The following PRR16 variants were observed in gnomAD, a reference collection of about 807,000 sequenced individuals.
PRR16 encodes proline rich 16.
A neutral mutation model predicts 18.2 loss-of-function variants in PRR16; 6 were observed. The ratio of observed to expected loss-of-function variants is 0.33; its 90% CI spans 0.18 to 0.65. PRR16 has a LOEUF of 0.65. Ranked by LOEUF, PRR16 falls within the 30% of genes least tolerant of loss-of-function variation. PRR16 has a pLI of 0.74. For missense variants in PRR16, 412 were observed against 376.6 expected, an observed-to-expected ratio of 1.09 and a Z score of -0.78; for synonymous variants, 151 against 147.8, an observed-to-expected ratio of 1.02 and a Z score of -0.16.
At chr5:120,578,151 C>T (rs897210142) in intron 1 of PRR16, among the ~76,000 whole-genome samples, 1 of 152,094 alleles carries the variant, frequency 6.6e-6, no homozygotes, top group Non-Finnish European at 1.5e-5. Context: ...AGCAGTTTTT[C>T]CCCAGTTAAT....
At chr5:120,546,530 A>T (rs1752079272) in intron 1 of PRR16, among the ~76,000 whole-genome samples, 1 of 152,044 alleles carries the variant, frequency 6.6e-6, no homozygotes, top group South Asian at 2.1e-4. Flanking sequence ...TGGTCAATTG[A>T]TTGCTATATA....
At chr5:120,544,049 C>A (rs2112687836) in intron 1 of PRR16, among the ~76,000 whole-genome samples, 1 of 152,254 alleles carries the variant, frequency 6.6e-6, no homozygotes, top group African/African-American at 2.4e-5. Context: ...TCTGTAATAA[C>A]CCCTTGGTCT....
the PRR16 span, among the ~76,000 whole-genome samples, chr5:120,694,695 AAAAG>A: frequency 6.6e-6 from 1 of 152,060 alleles, no homozygotes; most frequent in African/African-American, 2.4e-5. Flanking sequence ...AAAAAAAAAA[AAAAG>A]AATTCTAAGA....
At chr5:120,536,343 C>T (rs1047541545) in intron 1 of PRR16, among the ~76,000 whole-genome samples, 5 of 152,166 alleles carry the variant, frequency 3.3e-5, no homozygotes, top group East Asian at 3.8e-4. Context: ...TAAACCTCAG[C>T]TGCAAAAATT....
chr5:120,700,208 T>C, the PRR16 span, among the ~76,000 whole-genome samples: 58 of 152,286 alleles, frequency 3.8e-4, 1 homozygote, highest in South Asian at 0.012. Context: ...GTAAGGCTTG[T>C]CTGGTTTTAG....
In PRR16 at chr5:120,650,705, G is replaced by A. The variant is rs372475890; in HGVS notation, c.160-35249G>A. ...GTATTCCATGGTGTATATGTGCCACGTTTTCTTAATCCAGTCTATCATTGT... is the reference window on the plus strand; with the variant it reads ...GTATTCCATGGTGTATATGTGCCACATTTTCTTAATCCAGTCTATCATTGT... On this transcript the variant is annotated intron_variant, in intron 1 of 1. Transcript: ENST00000407149. 1.3e-4 allele frequency among the ~76,000 whole-genome samples: 20 copies of A among 151,806 alleles called. 1 individual carries two copies. The highest frequency in any genetic ancestry group is 2.2e-4 in the African/African-American group (9 of 41,384).
At chr5:120,515,199 C>T (rs1250870914) in intron 1 of PRR16, among the ~76,000 whole-genome samples, 1 of 152,058 alleles carries the variant, frequency 6.6e-6, no homozygotes, top group Non-Finnish European at 1.5e-5. Flanking sequence ...AGAGGTTGTC[C>T]AAACTTGCAT....
At chr5:120,525,545 T>C (rs147846050) in intron 1 of PRR16, among the ~76,000 whole-genome samples, 2,499 of 151,828 alleles carry the variant, frequency 0.016, 25 homozygotes, top group Middle Eastern at 0.13. Flanking sequence ...CAGACTACTA[T>C]GAATATACAA....
chr5:120,702,587 CAG>C, the PRR16 span, among the ~76,000 whole-genome samples: 1 of 152,122 alleles, frequency 6.6e-6, no homozygotes, highest in Non-Finnish European at 1.5e-5. Context: ...GGTGAATAAT[CAG>C]AGAGGTGTCC....
At chr5:120,522,603 T>G (rs1259866160) in intron 1 of PRR16, among the ~76,000 whole-genome samples, 1 of 152,038 alleles carries the variant, frequency 6.6e-6, no homozygotes, top group African/African-American at 2.4e-5. Context: ...ATTGCAAAAA[T>G]TTTCTCCCAT....
chr5:120,631,015 A>G (rs1755034160), intron 1 of PRR16, among the ~76,000 whole-genome samples: 1 of 152,216 alleles, frequency 6.6e-6, no homozygotes, highest in African/African-American at 2.4e-5. Flanking sequence ...TCACCCATAA[A>G]TAAACTGATT....
the PRR16 span, among the ~76,000 whole-genome samples, chr5:120,709,342 T>C: frequency 0.23 from 34,711 of 152,088 alleles, 4,832 homozygotes; most frequent in Middle Eastern, 0.43. Flanking sequence ...TACTTTGTTA[T>C]TTTTTAAAAA....
intron 1 of PRR16, among the ~76,000 whole-genome samples, chr5:120,509,400 TG>T (rs890846026): frequency 6.6e-6 from 1 of 152,112 alleles, no homozygotes; most frequent in Admixed American, 6.6e-5. Context: ...GCCAATCCTT[TG>T]GGGCTACTGA....
At chr5:120,624,478 A>G (rs1754796542) in intron 1 of PRR16, among the ~76,000 whole-genome samples, 1 of 152,148 alleles carries the variant, frequency 6.6e-6, no homozygotes, top group South Asian at 2.1e-4. Context: ...TCTAAAAGAG[A>G]TAGCATAGCA....
At chr5:120,520,400 G>T (rs1029121537) in intron 1 of PRR16, among the ~76,000 whole-genome samples, 3 of 151,832 alleles carry the variant, frequency 2.0e-5, no homozygotes, top group South Asian at 2.1e-4. Flanking sequence ...GTCTCCAAAA[G>T]AAAAATAAAA....
chr5:120,497,806 C>G (rs1342535259), intron 1 of PRR16, among the ~76,000 whole-genome samples: 1 of 151,270 alleles, frequency 6.6e-6, no homozygotes, highest in African/African-American at 2.4e-5. Context: ...TTATCATATA[C>G]ATAACATTAT....
chr5:120,545,414 A>C (rs1752045195), intron 1 of PRR16, among the ~76,000 whole-genome samples: 1 of 152,096 alleles, frequency 6.6e-6, no homozygotes, highest in Non-Finnish European at 1.5e-5. Context: ...TTCATATCTT[A>C]TAATTTTACA....
intron 1 of PRR16, among the ~76,000 whole-genome samples, chr5:120,571,528 A>C (rs1280620668): frequency 6.6e-6 from 1 of 152,124 alleles, no homozygotes; most frequent in African/African-American, 2.4e-5. Flanking sequence ...ACAGGAATCC[A>C]CTGGAGGTTT....
the PRR16 span, among the ~76,000 whole-genome samples, chr5:120,712,970 G>A: frequency 1.3e-5 from 2 of 152,062 alleles, no homozygotes; most frequent in South Asian, 4.1e-4. Context: ...ATACGTATAT[G>A]ACCAAAGGAA....
Sources: allele counts gnomAD v4.1 joint callset (sites outside exome capture counted in the v4.1 genomes callset), GRCh38; gene constraint gnomAD v4.1.1; transcripts MANE v1.5; gene names NCBI Gene and HGNC (gene_info 2026-07-23, HGNC 2026-07-21).